RBM17: variants seen among roughly 807,000 people sequenced by gnomAD.
RBM17 encodes splicing factor 45.
In RBM17, 7 loss-of-function variants were observed where a neutral mutation model predicts 53.2. That is an observed-to-expected ratio of 0.13 (90% confidence interval 0.07 to 0.25). The LOEUF is 0.25. Ranked by LOEUF, RBM17 falls within the 10% of genes least tolerant of loss-of-function variation. RBM17 has a pLI of 1.00. For synonymous variants in RBM17, 167 were observed against 178.1 expected, an observed-to-expected ratio of 0.94 and a Z score of 0.50; for missense variants, 257 against 496.7, an observed-to-expected ratio of 0.52 and a Z score of 4.59.
At chr10:6,097,848 GA>G (rs1840598950) in intron 2 of RBM17, among the ~76,000 whole-genome samples, 1 of 152,200 alleles carries the variant, frequency 6.6e-6, no homozygotes, top group Admixed American at 6.5e-5. Flanking sequence ...CCAGGAGTGG[GA>G]ATTTTTAAGT....
At chr10:6,094,378 A>G (rs1364208403) in intron 1 of RBM17, among the ~76,000 whole-genome samples, 1 of 152,158 alleles carries the variant, frequency 6.6e-6, no homozygotes, top group Non-Finnish European at 1.5e-5. Context: ...GTATTGAGAA[A>G]AGCAAATATC....
chr10:6,095,209 A>ATTCTT (rs1184547342), intron 1 of RBM17, among the ~76,000 whole-genome samples: 1 of 150,956 alleles, frequency 6.6e-6, no homozygotes, highest in Non-Finnish European at 1.5e-5. Context: ...GCATCCCTTC[A>ATTCTT]TTCTTTTCTT....
intron 4 of RBM17, among the ~76,000 whole-genome samples, chr10:6,105,791 A>AT (rs1840740160): frequency 6.6e-6 from 1 of 152,200 alleles, no homozygotes; most frequent in Non-Finnish European, 1.5e-5. Flanking sequence ...TTTCCCATTT[A>AT]TTGAATCATT....
intron 5 of RBM17, among the ~76,000 whole-genome samples, chr10:6,108,051 C>T (rs574423618): frequency 1.3e-5 from 2 of 152,244 alleles, no homozygotes; most frequent in East Asian, 1.9e-4. Flanking sequence ...GTTCACCATT[C>T]GTTGTCCAGG....
At chr10:6,105,716 G>A (rs1346822806) in intron 4 of RBM17, among the ~76,000 whole-genome samples, 1 of 152,150 alleles carries the variant, frequency 6.6e-6, no homozygotes, top group East Asian at 1.9e-4. Context: ...GGATGTATTT[G>A]TAGTTCTTTT....
intron 1 of RBM17, among the ~76,000 whole-genome samples, chr10:6,092,849 A>G (rs1311338178): frequency 6.6e-6 from 1 of 152,244 alleles, no homozygotes; most frequent in African/African-American, 2.4e-5. Flanking sequence ...TGCAGGTTTG[A>G]GAAGAGAAAT....
chr10:6,104,550 T>G (rs895715390), intron 3 of RBM17, among the ~76,000 whole-genome samples: 4 of 152,232 alleles, frequency 2.6e-5, no homozygotes, highest in Non-Finnish European at 5.9e-5. Flanking sequence ...TGTTCATGGT[T>G]GTTTTATTTT....
At chr10:6,098,830 G>C (rs1840625066) in intron 2 of RBM17, among the ~76,000 whole-genome samples, 1 of 152,026 alleles carries the variant, frequency 6.6e-6, no homozygotes, top group South Asian at 2.1e-4. Context: ...TTACAGGCGT[G>C]AGCCACCGTG....
intron 3 of RBM17, among the ~76,000 whole-genome samples, chr10:6,103,809 G>A (rs775650702): frequency 1.3e-5 from 2 of 152,184 alleles, no homozygotes; most frequent in South Asian, 2.1e-4. Flanking sequence ...TTAATATGGC[G>A]TGTAAGCTGT....
rs1303801149 is a variant in RBM17 at position 6,106,699 on chromosome 10, G to A, written c.505+461G>A. 2.0e-5 allele frequency among the ~76,000 whole-genome samples: 3 copies of A among 152,130 alleles called. No homozygotes were observed. In the South Asian group the frequency reaches 6.2e-4, roughly 32 times the overall value. ...AATTCAGTATATAGGTTGAATATTT[G>A]TAGGTCTCATTTTTCCAGCTTATAA... On this transcript the variant is annotated intron_variant, in intron 5 of 11. Transcript: ENST00000379888.
Position 6,112,746 on chromosome 10 carries a change from C to G in RBM17, c.856+385C>G, listed in dbSNP as rs1840859613. 1 of 267,344 alleles carries G rather than the reference C, an allele frequency of 3.7e-6. No homozygotes were observed. The highest frequency in any genetic ancestry group is 1.3e-3 in the Middle Eastern group (1 of 756). 16.6% of individuals were successfully genotyped at this position (267,344 alleles called of 1,614,324 possible). ...GTGAATATACCTGCTATCTCCATCT[C>G]AGAGGTCGTCTCTACTTTTCCCTTT... On this transcript the variant is annotated intron_variant, in intron 8 of 11. Coordinates refer to ENST00000379888, the MANE Select transcript of RBM17 (RefSeq NM_032905.5). The surrounding 1 kb of genome is among the most constrained non-coding windows in gnomAD (Gnocchi z 4.4).
chr10:6,111,831 G>A lies in RBM17; in HGVS notation c.705-379G>A, dbSNP rs79661682. ...GAAAATGGGATCATCTTCATTGTAC[G>A]AAACTTCATACTTACTTTTTGATAG... On this transcript the variant is annotated intron_variant, in intron 7 of 11. Coordinates refer to ENST00000379888, the MANE Select transcript of RBM17 (RefSeq NM_032905.5). Among the ~76,000 whole-genome samples, 516 of 152,208 alleles carry A rather than the reference G, an allele frequency of 3.4e-3. 3 individuals are homozygous for A. The highest frequency in any genetic ancestry group is 5.4e-3 in the Non-Finnish European group (370 of 68,006).
chr10:6,102,006 A>C (rs185125630), intron 3 of RBM17, among the ~76,000 whole-genome samples: 1 of 151,450 alleles, frequency 6.6e-6, no homozygotes, highest in East Asian at 2.0e-4. Flanking sequence ...GTTATTGAGG[A>C]TGAAGAAGAT....
Position 6,112,129 on chromosome 10 carries a change from G to A in RBM17, c.705-81G>A. ...GGAGCATGCACTCTCTCCAGAAGGA[G>A]GTTGTTGTGATGGAAAAATGCAACC... is the stretch of plus-strand genomic sequence containing the variant. On this transcript the variant is annotated intron_variant, in intron 7 of 11. Coordinates refer to ENST00000379888, the MANE Select transcript of RBM17 (RefSeq NM_032905.5). This position sits in a 1 kb window ranked among gnomAD's most constrained non-coding sequence, Gnocchi z 4.4. 6.9e-7 allele frequency: 1 copy of A among 1,448,126 alleles called. No homozygotes were observed. The highest frequency in any genetic ancestry group is 9.5e-7 in the Non-Finnish European group (1 of 1,057,608). 89.7% of individuals were successfully genotyped at this position (1,448,126 alleles called of 1,614,324 possible). A position where few individuals can be genotyped will look rare whatever the true frequency, so the allele number is the denominator to read the frequency against.
chr10:6,090,512 C>T (rs1840466225), intron 1 of RBM17, among the ~76,000 whole-genome samples: 1 of 152,218 alleles, frequency 6.6e-6, no homozygotes, highest in Admixed American at 6.5e-5. Context: ...GAACCAAAGG[C>T]AGCCTTTCTG....
intron 6 of RBM17, 118 bp downstream of exon 6, chr10:6,108,860 G>T: frequency 2.4e-6 from 1 of 420,098 alleles, no homozygotes; most frequent in Non-Finnish European, 4.3e-6. Context: ...CTGCAAGCCT[G>T]CCTGGCTCTG....
rs746698649 is a variant in RBM17, at chr10:6,113,603, GCT to G, written c.930+27_930+28del. ...AAGGGTAAGAAGCTGAGGAAAGCAAGCTCTCTGCCTGCCTAGATTTGTGTGTG... is the reference window on the plus strand; with the variant it reads ...AAGGGTAAGAAGCTGAGGAAAGCAAGCTCTGCCTGCCTAGATTTGTGTGTG... On this transcript the variant is annotated intron_variant, in intron 9 of 11. Transcript: ENST00000379888. The G allele has an allele frequency of 3.3e-6, 5 of 1,515,424 alleles. No homozygotes were observed. The South Asian group carries it at 4.5e-5, about 14-fold the overall frequency. The allele number at this position is 1,515,424 out of a possible 1,614,324, so 93.9% of individuals were successfully genotyped here. A position where few individuals can be genotyped will look rare whatever the true frequency, so the allele number is the denominator to read the frequency against.
chr10:6,112,462 A>G lies in RBM17; in HGVS notation c.856+101A>G. On this transcript the variant is annotated intron_variant, in intron 8 of 11. Transcript: ENST00000379888. The surrounding 1 kb of genome is among the most constrained non-coding windows in gnomAD (Gnocchi z 4.4). ...CTCATGTGTCAGCAGGGGGACAATG[A>G]GGCGTGTGGCCAGAGGGAGAGGGCT... The G allele has an allele frequency of 7.0e-7, 1 of 1,424,708 alleles. No individual in the cohort carries two copies. Among genetic ancestry groups the G allele is most frequent in the Non-Finnish European group, 9.7e-7 (1 of 1,026,042 alleles). The allele number at this position is 1,424,708 out of a possible 1,614,324, so 88.3% of individuals were successfully genotyped here. A position where few individuals can be genotyped will look rare whatever the true frequency, so the allele number is the denominator to read the frequency against.
chr10:6,101,206 G>C, intron 2 of RBM17, 65 bp from the exon 3 acceptor site: 1 of 1,003,048 alleles, frequency 1.0e-6, no homozygotes, highest in Non-Finnish European at 1.5e-6. Context: ...GAAAATCTTT[G>C]TTGCAAACAG....
Sources: allele counts gnomAD v4.1 joint callset (sites outside exome capture counted in the v4.1 genomes callset), GRCh38; gene constraint gnomAD v4.1.1; non-coding constraint Gnocchi (gnomAD v3.1); transcripts MANE v1.5; gene names NCBI Gene and HGNC (gene_info 2026-07-23, HGNC 2026-07-21).